The following GRIK2 variants were observed in gnomAD, a reference collection of about 807,000 sequenced individuals.
The protein encoded by GRIK2 is glutamate ionotropic receptor kainate type subunit 2, also known as glutamate receptor ionotropic, kainate 2.
Under a neutral mutation model 100.3 loss-of-function variants are expected in GRIK2, and 32 were observed. The observed-to-expected ratio is 0.32, with a 90% confidence interval of 0.24 to 0.43. GRIK2 has a LOEUF of 0.43. Ranked by LOEUF, GRIK2 falls within the 20% of genes least tolerant of loss-of-function variation. GRIK2 has a pLI of 1.00. For missense variants in GRIK2, 843 were observed against 1,114.9 expected (o/e 0.76, Z 3.47); for synonymous variants, 417 against 389.4 (o/e 1.07, Z -0.83).
In GRIK2 at chr6:101,739,732, G is replaced by A. The variant is rs559253659; in HGVS notation, c.951+53379G>A. Among the ~76,000 whole-genome samples the A allele has an allele frequency of 2.6e-5, 4 of 152,194 alleles. No individual in the cohort carries two copies. In the East Asian group the frequency reaches 7.7e-4, roughly 29 times the overall value. ...ACAATTGTGACTGTTTCCATCACTT[G>A]ATGTTTCTTCTCCTCTAACCTACTT... is the stretch of plus-strand genomic sequence containing the variant. On this transcript the variant is annotated intron_variant, in intron 7 of 16. Coordinates refer to ENST00000369134, the MANE Select transcript of GRIK2 (RefSeq NM_021956.5).
At chr6:101,945,072 A>G (rs770037901) in intron 14 of GRIK2, among the ~76,000 whole-genome samples, 13 of 152,134 alleles carry the variant, frequency 8.5e-5, no homozygotes, top group Non-Finnish European at 1.5e-4. Flanking sequence ...TTTTACCAAC[A>G]TGTTGTGTAT....
At chr6:101,715,444 A>G (rs1214178436) in intron 7 of GRIK2, among the ~76,000 whole-genome samples, 1 of 151,742 alleles carries the variant, frequency 6.6e-6, no homozygotes, top group Non-Finnish European at 1.5e-5. Flanking sequence ...GACAAGACTA[A>G]TGGGGAGTGT....
At chr6:101,444,083 T>A (rs1770235778) in intron 2 of GRIK2, among the ~76,000 whole-genome samples, 1 of 151,664 alleles carries the variant, frequency 6.6e-6, no homozygotes, top group African/African-American at 2.4e-5. Context: ...GTTTGTTTGT[T>A]TGTTTGTTTG....
intron 9 of GRIK2, 54 bp from the exon 10 acceptor site, chr6:101,818,316 C>A: frequency 1.0e-6 from 1 of 953,732 alleles, no homozygotes; most frequent in Non-Finnish European, 1.7e-6. Context: ...TTTTGCAGTA[C>A]TCTCTACCAC....
chr6:101,730,189 TA>T (rs1775162185), intron 7 of GRIK2, among the ~76,000 whole-genome samples: 1 of 151,962 alleles, frequency 6.6e-6, no homozygotes, highest in East Asian at 1.9e-4. Context: ...TTCGAGGCAG[TA>T]AATAATTTTC....
intron 16 of GRIK2, among the ~76,000 whole-genome samples, chr6:102,064,922 A>G (rs1771941484): frequency 6.6e-6 from 1 of 151,272 alleles, no homozygotes; most frequent in Admixed American, 6.6e-5. Context: ...CAAGTTTTAA[A>G]ATGGGTTAGA....
At chr6:101,833,287 A>G (rs993339971) in intron 10 of GRIK2, among the ~76,000 whole-genome samples, 3 of 152,120 alleles carry the variant, frequency 2.0e-5, no homozygotes, top group African/African-American at 7.2e-5. Flanking sequence ...GCTGGAGTGC[A>G]GTGGCATGAT....
intron 7 of GRIK2, among the ~76,000 whole-genome samples, chr6:101,774,636 G>C (rs1778626846): frequency 6.6e-6 from 1 of 152,150 alleles, no homozygotes; most frequent in African/African-American, 2.4e-5. Flanking sequence ...AATTACATTA[G>C]TTAAATGGAA....
intron 7 of GRIK2, among the ~76,000 whole-genome samples, chr6:101,724,937 G>A (rs532244602): frequency 6.6e-6 from 1 of 152,028 alleles, no homozygotes; most frequent in East Asian, 1.9e-4. Flanking sequence ...GGACTCCTGT[G>A]ACCTGAACCT....
At position 101,553,534 on chromosome 6, in the gene GRIK2, C is replaced by T. The variant is rs116132983; in HGVS notation, c.116-68415C>T. 7.2e-3 allele frequency among the ~76,000 whole-genome samples: 1,100 copies of T among 152,026 alleles called. 14 individuals are homozygous for T. Among genetic ancestry groups the T allele is most frequent in the African/African-American group, 0.025 (1,052 of 41,466 alleles). The stretch of plus-strand genomic sequence containing the variant: ...GTTCTTTATATGAAAAAAATACCAC[C>T]ATCAAAAGTTTAATTATAAAGTTAT... On this transcript the variant is annotated intron_variant, in intron 2 of 16. Coordinates refer to ENST00000369134, the MANE Select transcript of GRIK2 (RefSeq NM_021956.5).
intron 14 of GRIK2, among the ~76,000 whole-genome samples, chr6:101,947,567 A>G (rs1195219774): frequency 6.6e-6 from 1 of 152,200 alleles, no homozygotes; most frequent in Non-Finnish European, 1.5e-5. Context: ...ATGTTGTAGT[A>G]AAGCTGAGAA....
intron 4 of GRIK2, among the ~76,000 whole-genome samples, chr6:101,656,107 A>C (rs1374805197): frequency 6.6e-6 from 1 of 152,112 alleles, no homozygotes; most frequent in Non-Finnish European, 1.5e-5. Context: ...GTTTGAGACC[A>C]GCTTGGCCAA....
rs559322799 is a variant in GRIK2 at position 102,068,283 on chromosome 6, T to C, written c.2563-64T>C. 120 of 1,187,072 alleles carry C rather than the reference T, an allele frequency of 1.0e-4. No individual in the cohort carries two copies. The African/African-American group carries it at 1.8e-3, about 18-fold the overall frequency. The allele number at this position is 1,187,072 out of a possible 1,614,324, so 73.5% of individuals were successfully genotyped here. ...AAGTCTGTTGAGGATGATTTTAATA[T>C]TGATCTTGGACAGTTACAGTTTATG... On this transcript the variant is annotated intron_variant, in intron 16 of 16. Transcript: ENST00000369134.
At chr6:101,585,697 T>C (rs1778325807) in intron 2 of GRIK2, among the ~76,000 whole-genome samples, 1 of 151,934 alleles carries the variant, frequency 6.6e-6, no homozygotes, top group Admixed American at 6.6e-5. Context: ...CTGCAAGAAA[T>C]TGGAACCAGG....
intron 2 of GRIK2, among the ~76,000 whole-genome samples, chr6:101,574,203 G>C (rs1161921263): frequency 2.0e-5 from 3 of 150,224 alleles, no homozygotes; most frequent in African/African-American, 7.3e-5. Context: ...ATAATACAAA[G>C]CAACTGAAAA....
chr6:101,762,021 T>G (rs1339684476), intron 7 of GRIK2, among the ~76,000 whole-genome samples: 1 of 105,862 alleles, frequency 9.4e-6, no homozygotes, highest in Non-Finnish European at 1.8e-5. Context: ...TTCCTTTCTT[T>G]CCTTTGTTTG....
chr6:101,683,064 A>T (rs939453887), intron 6 of GRIK2, among the ~76,000 whole-genome samples: 1 of 152,086 alleles, frequency 6.6e-6, no homozygotes, highest in South Asian at 2.1e-4. Context: ...TTAGCCGGGC[A>T]TGGTGGTGGG....
chr6:101,760,333 ATATT>A (rs1311884565), intron 7 of GRIK2, among the ~76,000 whole-genome samples: 1 of 115,000 alleles, frequency 8.7e-6, no homozygotes, highest in Admixed American at 1.2e-4. Flanking sequence ...TTAATTATAT[ATATT>A]TATTATATAT....
chr6:102,012,491 C>A (rs1470615076), intron 14 of GRIK2, among the ~76,000 whole-genome samples: 2 of 151,870 alleles, frequency 1.3e-5, no homozygotes, highest in African/African-American at 4.8e-5. Context: ...TGAATGTCTC[C>A]CCATTTATTT....
Sources: gnomAD v4.1 joint callset for allele counts (sites outside exome capture counted in the v4.1 genomes callset) on GRCh38, gnomAD v4.1.1 for gene constraint, MANE v1.5 for transcripts, NCBI Gene and HGNC (gene_info 2026-07-23, HGNC 2026-07-21) for gene names.